The following FNDC3B variants were observed in gnomAD, a reference collection of about 807,000 sequenced individuals.
The protein encoded by FNDC3B is fibronectin type III domain-containing protein 3B.
In FNDC3B, 12 loss-of-function variants were observed where a neutral mutation model predicts 151.5. The ratio of observed to expected loss-of-function variants is 0.08; its 90% CI spans 0.05 to 0.13. FNDC3B has a LOEUF of 0.13. Ranked by LOEUF, FNDC3B falls within the 10% of genes least tolerant of loss-of-function variation. The pLI is 1.00. For missense variants in FNDC3B, 1,214 were observed against 1,505.3 expected (o/e 0.81, Z 3.20); for synonymous variants, 528 against 549.0 (o/e 0.96, Z 0.54).
chr3:172,072,167 T>C (rs1717812139), intron 1 of FNDC3B, among the ~76,000 whole-genome samples: 1 of 147,706 alleles, frequency 6.8e-6, no homozygotes, highest in South Asian at 2.2e-4. Context: ...TGCCCATTAG[T>C]CACATGTGGC....
intron 3 of FNDC3B, among the ~76,000 whole-genome samples, chr3:172,167,422 C>T (rs1267187643): frequency 6.6e-6 from 1 of 152,156 alleles, no homozygotes; most frequent in Non-Finnish European, 1.5e-5. Context: ...AAGAGGGTTG[C>T]AGTTTCACTG....
chr3:172,088,056 T>A (rs1421851196), intron 1 of FNDC3B, among the ~76,000 whole-genome samples: 1 of 152,158 alleles, frequency 6.6e-6, no homozygotes. Context: ...ACCAGGAAAT[T>A]GCCTGCCACA....
chr3:172,330,949 T>C (rs1732620531), intron 13 of FNDC3B, among the ~76,000 whole-genome samples: 2 of 151,922 alleles, frequency 1.3e-5, no homozygotes, highest in Admixed American at 6.6e-5. Context: ...ATCCTATATA[T>C]AATCAGAAAA....
chr3:172,120,573 G>C (rs377373278), intron 2 of FNDC3B, among the ~76,000 whole-genome samples: 1 of 151,760 alleles, frequency 6.6e-6, no homozygotes, highest in African/African-American at 2.4e-5. Context: ...GGCATGGGGG[G>C]GGGTGTGTGT....
Position 172,142,554 on chromosome 3 carries a change from T to A in FNDC3B, c.187+9008T>A, listed in dbSNP as rs575104177. 2.6e-5 allele frequency among the ~76,000 whole-genome samples: 4 copies of A among 152,382 alleles called. No individual in the cohort carries two copies. The East Asian group carries it at 7.7e-4, about 29-fold the overall frequency. ...TCACAGCTTGTAGTCTTTCAGTTCC[T>A]GCTTTATTCTTTCTGTATTTTTTAC... On this transcript the variant is annotated intron_variant, in intron 3 of 25. Coordinates refer to ENST00000415807, the MANE Select transcript of FNDC3B (RefSeq NM_022763.4).
At chr3:172,190,835 A>AT (rs903952157) in intron 3 of FNDC3B, among the ~76,000 whole-genome samples, 3 of 151,936 alleles carry the variant, frequency 2.0e-5, no homozygotes, top group African/African-American at 7.3e-5. Context: ...TGCCCGGCTA[A>AT]TTTTTTTATT....
intron 3 of FNDC3B, among the ~76,000 whole-genome samples, chr3:172,211,508 A>G (rs1725730021): frequency 1.3e-5 from 2 of 152,226 alleles, no homozygotes; most frequent in Admixed American, 6.5e-5. Context: ...GGCATAGATA[A>G]GGTAGATTGT....
chr3:172,209,644 C>T (rs1329703421), intron 3 of FNDC3B, among the ~76,000 whole-genome samples: 1 of 152,244 alleles, frequency 6.6e-6, no homozygotes, highest in African/African-American at 2.4e-5. Flanking sequence ...GAAGTTCTCA[C>T]TCCCAGTAGC....
intron 3 of FNDC3B, among the ~76,000 whole-genome samples, chr3:172,135,255 A>ATGTGTG (rs144768382): frequency 6.7e-6 from 1 of 150,256 alleles, no homozygotes; most frequent in African/African-American, 2.4e-5. Context: ...GAGTGTGTGT[A>ATGTGTG]TGTGTGTGTG....
At chr3:172,396,050 A>C (rs574945138) in intron 25 of FNDC3B, among the ~76,000 whole-genome samples, 2 of 152,330 alleles carry the variant, frequency 1.3e-5, no homozygotes, top group East Asian at 3.9e-4. Context: ...TTACCCAGAA[A>C]AATAACTTAA....
chr3:172,258,430 ATTC>A (rs1343307580), intron 6 of FNDC3B, among the ~76,000 whole-genome samples: 1 of 151,962 alleles, frequency 6.6e-6, no homozygotes, highest in Non-Finnish European at 1.5e-5. Context: ...TTCTCTTACT[ATTC>A]TTATATTTTG....
chr3:172,392,471 T>A (rs1241370162), intron 25 of FNDC3B, among the ~76,000 whole-genome samples: 2 of 152,190 alleles, frequency 1.3e-5, no homozygotes, highest in Non-Finnish European at 2.9e-5. Context: ...TTTAAAAGGA[T>A]AACTACCAGG....
chr3:172,376,658 G>A (rs1393960573), intron 23 of FNDC3B, among the ~76,000 whole-genome samples: 4 of 152,124 alleles, frequency 2.6e-5, no homozygotes, highest in Non-Finnish European at 5.9e-5. Context: ...GTATTTGTGG[G>A]TTTCAGCCTG....
intron 3 of FNDC3B, among the ~76,000 whole-genome samples, chr3:172,181,827 CAAAAAAAAAAA>C (rs747723219): frequency 1.6e-5 from 1 of 61,572 alleles, no homozygotes; most frequent in Non-Finnish European, 3.0e-5. Flanking sequence ...GACTCCATCT[CAAAAAAAAAAA>C]AAAAAAAAAA....
chr3:172,067,586 G>C (rs1717561071), intron 1 of FNDC3B, among the ~76,000 whole-genome samples: 2 of 152,124 alleles, frequency 1.3e-5, no homozygotes, highest in Admixed American at 1.3e-4. Context: ...GTGAGTCATA[G>C]AGCTACAATT....
At chr3:172,099,884 GC>G (rs1331973797) in intron 1 of FNDC3B, among the ~76,000 whole-genome samples, 2 of 152,136 alleles carry the variant, frequency 1.3e-5, no homozygotes, top group Non-Finnish European at 2.9e-5. Context: ...CGTATAACTT[GC>G]TTGTGTGGAG....
chr3:172,160,855 C>T (rs1481077297), intron 3 of FNDC3B, among the ~76,000 whole-genome samples: 1 of 151,980 alleles, frequency 6.6e-6, no homozygotes, highest in Non-Finnish European at 1.5e-5. Context: ...CTATTTTTGC[C>T]TTTGGATTTT....
intron 2 of FNDC3B, among the ~76,000 whole-genome samples, chr3:172,120,567 T>TG (rs142265664): frequency 0.043 from 6,393 of 149,582 alleles, 387 homozygotes; most frequent in African/African-American, 0.13. Context: ...CATACAGGCA[T>TG]GGGGGGGGGT....
At chr3:172,333,483 G>A (rs993018952) in intron 14 of FNDC3B, among the ~76,000 whole-genome samples, 5 of 139,756 alleles carry the variant, frequency 3.6e-5, no homozygotes, top group Admixed American at 1.5e-4. Flanking sequence ...CACTATGCCC[G>A]GCTAATTTTT....
Sources: allele counts gnomAD v4.1 joint callset (sites outside exome capture counted in the v4.1 genomes callset), GRCh38; gene constraint gnomAD v4.1.1; transcripts MANE v1.5; gene names NCBI Gene and HGNC (gene_info 2026-07-23, HGNC 2026-07-21).